RALY: variants seen among roughly 807,000 people sequenced by gnomAD.
The protein encoded by RALY is RNA-binding protein Raly.
In RALY, 15 loss-of-function variants were observed where a neutral mutation model predicts 30.7. That is an observed-to-expected ratio of 0.49 (90% confidence interval 0.33 to 0.75). RALY has a LOEUF of 0.75. Among genes scored for constraint, RALY ranks in the 30% least tolerant of loss-of-function variants. The probability of loss-of-function intolerance (pLI) is 0.02; values close to 1 mark genes in which losing one functional copy is unlikely to be tolerated. For synonymous variants in RALY, 177 were observed against 170.8 expected (o/e 1.04, Z -0.28); for missense variants, 339 against 414.3 (o/e 0.82, Z 1.58).
chr20:34,031,248 A>G lies in RALY; in HGVS notation c.-92-274A>G, dbSNP rs1362487287. On this transcript the variant is annotated intron_variant, in intron 1 of 9. Transcript: ENST00000246194. ...TTTTTTTTTTGTATTTTTAGTAGAGACAGGGTTTCACCATGTTGGCCGGGC... is the reference window on the plus strand; with the variant it reads ...TTTTTTTTTTGTATTTTTAGTAGAGGCAGGGTTTCACCATGTTGGCCGGGC... Among the ~76,000 whole-genome samples, 5 of 140,012 alleles carry G rather than the reference A, an allele frequency of 3.6e-5. No individual in the cohort carries two copies. The East Asian group carries it at 1.0e-3, about 29-fold the overall frequency. 91.9% of individuals were successfully genotyped at this position (140,012 alleles called of 152,430 possible).
chr20:34,028,157 G>A (rs189302483), intron 1 of RALY, among the ~76,000 whole-genome samples: 2 of 152,060 alleles, frequency 1.3e-5, no homozygotes, highest in East Asian at 1.9e-4. Context: ...GTGGTGGCAC[G>A]TGCCTGTAAT....
intron 2 of RALY, among the ~76,000 whole-genome samples, chr20:34,034,126 G>C (rs2032386125): frequency 6.6e-6 from 1 of 152,156 alleles, no homozygotes; most frequent in African/African-American, 2.4e-5. Context: ...TCTTGAAGAA[G>C]GCTATTCCTC....
Position 34,077,274 on chromosome 20 carries a change from G to A in RALY, c.876+29G>A, listed in dbSNP as rs2033919147. The A allele has an allele frequency of 3.7e-6, 6 of 1,612,218 alleles. No individual in the cohort carries two copies. In the South Asian group the frequency reaches 5.5e-5, roughly 15 times the overall value. ...AGGGCCTGGCCAGGGGCACGACTGG[G>A]ACTCGACTGTGCTCCTACTCTCAGG... On this transcript the variant is annotated intron_variant, in intron 8 of 9. Coordinates refer to ENST00000246194, the MANE Select transcript of RALY (RefSeq NM_016732.3).
In RALY at chr20:34,082,831, CAGA is replaced by C. The variant is rs2034051279; in HGVS notation, c.*2929_*2931del. 1 of 152,216 alleles carries C rather than the reference CAGA, an allele frequency of 6.6e-6. No individual in the cohort carries two copies. The highest frequency in any genetic ancestry group is 6.5e-5 in the Admixed American group (1 of 15,280). The allele number at this position is 152,216 out of a possible 1,614,324, so 9.4% of individuals were successfully genotyped here. ...TCATTTTTCTAACATCTGAAAACTC[CAGA>C]AGGAGATGGTGATAAATGTGGTACC... is the stretch of plus-strand genomic sequence containing the variant. On this transcript the variant is annotated 3_prime_UTR_variant, in exon 10 of 10. Transcript: ENST00000246194.
At chr20:34,039,535 C>G (rs1008824584) in intron 2 of RALY, among the ~76,000 whole-genome samples, 2 of 152,188 alleles carry the variant, frequency 1.3e-5, no homozygotes, top group Non-Finnish European at 2.9e-5. Context: ...TGTGTTTGTA[C>G]TCTAGCTTTT....
intron 2 of RALY, among the ~76,000 whole-genome samples, chr20:34,035,181 A>C (rs969440963): frequency 2.1e-5 from 3 of 143,896 alleles, no homozygotes; most frequent in Admixed American, 6.9e-5. Flanking sequence ...AAAAAAAAAA[A>C]AAAAAACAGT....
At chr20:34,007,529 C>A (rs2031212174) in intron 1 of RALY, among the ~76,000 whole-genome samples, 1 of 150,098 alleles carries the variant, frequency 6.7e-6, no homozygotes, top group African/African-American at 2.5e-5. Context: ...TCAAAAAAAA[C>A]AAAACAAAAG....
rs1324528825 is a variant in RALY, at chr20:34,081,395, C to T, written c.*1490C>T. The T allele has an allele frequency of 1.3e-5, 2 of 152,282 alleles. No homozygotes were observed. Among genetic ancestry groups the T allele is most frequent in the Non-Finnish European group, 2.9e-5 (2 of 68,098 alleles). 9.4% of individuals were successfully genotyped at this position (152,282 alleles called of 1,614,324 possible). On this transcript the variant is annotated 3_prime_UTR_variant, in exon 10 of 10. Coordinates refer to ENST00000246194, the MANE Select transcript of RALY (RefSeq NM_016732.3). ...TGTGGTGTCGCCACCTCTGAGAAGT[C>T]TCCCAGACCCTCCGACTGCTCTTTA... is the stretch of plus-strand genomic sequence containing the variant.
At chr20:34,059,650 TA>T (rs2123208799) in intron 2 of RALY, among the ~76,000 whole-genome samples, 1 of 152,310 alleles carries the variant, frequency 6.6e-6, no homozygotes, top group Admixed American at 6.5e-5. Flanking sequence ...CCAAAGCTAA[TA>T]AGCCCCCATT....
chr20:34,072,959 T>TGA (rs1555809418), intron 3 of RALY, among the ~76,000 whole-genome samples: 10,335 of 148,876 alleles, frequency 0.069, 1,206 homozygotes, highest in African/African-American at 0.24. Flanking sequence ...TGTGTGTGTG[T>TGA]GAGAGAGAGA....
intron 1 of RALY, among the ~76,000 whole-genome samples, chr20:33,999,151 A>G (rs561070533): frequency 6.6e-6 from 1 of 151,720 alleles, no homozygotes; most frequent in East Asian, 1.9e-4. Context: ...AGGAAAGAAA[A>G]AAGGTGGAAT....
chr20:34,038,656 T>G (rs150623236), intron 2 of RALY, among the ~76,000 whole-genome samples: 1 of 152,258 alleles, frequency 6.6e-6, no homozygotes, highest in Non-Finnish European at 1.5e-5. Context: ...GTATAACTGG[T>G]CTTTAGGAAG....
intron 2 of RALY, among the ~76,000 whole-genome samples, chr20:34,034,094 T>A (rs2032385223): frequency 6.6e-6 from 1 of 152,216 alleles, no homozygotes; most frequent in Non-Finnish European, 1.5e-5. Context: ...ACTGAGATGT[T>A]GCCTTGTTCC....
At chr20:34,052,586 G>A (rs1189627828) in intron 2 of RALY, among the ~76,000 whole-genome samples, 1 of 152,178 alleles carries the variant, frequency 6.6e-6, no homozygotes, top group Non-Finnish European at 1.5e-5. Context: ...CTGTTTTGAT[G>A]TGTTTATCCC....
At chr20:34,020,399 A>G (rs963392355) in intron 1 of RALY, among the ~76,000 whole-genome samples, 2 of 152,236 alleles carry the variant, frequency 1.3e-5, no homozygotes, top group Non-Finnish European at 2.9e-5. Flanking sequence ...AGCATGAGGA[A>G]TGGTAGAAGC....
At chr20:34,066,188 T>TTTC (rs57960843) in intron 2 of RALY, among the ~76,000 whole-genome samples, 1 of 145,432 alleles carries the variant, frequency 6.9e-6, no homozygotes, top group African/African-American at 2.6e-5. Context: ...TTTTTTTTTT[T>TTTC]CATTTATAAA....
At chr20:33,999,219 C>T in intron 1 of RALY, among the ~76,000 whole-genome samples, 1 of 151,628 alleles carries the variant, frequency 6.6e-6, no homozygotes, top group East Asian at 1.9e-4. Flanking sequence ...GGGATGACAT[C>T]TGGTTTCTAC....
intron 1 of RALY, among the ~76,000 whole-genome samples, chr20:33,999,521 G>A (rs116420472): frequency 0.012 from 1,768 of 152,248 alleles, 36 homozygotes; most frequent in African/African-American, 0.041. Flanking sequence ...AACTGCTTAC[G>A]TTAAGCCAAG....
intron 2 of RALY, among the ~76,000 whole-genome samples, chr20:34,043,031 C>G (rs1340509881): frequency 6.6e-6 from 1 of 152,242 alleles, no homozygotes; most frequent in Non-Finnish European, 1.5e-5. Context: ...CTAGAGCCAT[C>G]CCAACCCAGG....
Sources: gnomAD v4.1 joint callset for allele counts (sites outside exome capture counted in the v4.1 genomes callset) on GRCh38, gnomAD v4.1.1 for gene constraint, MANE v1.5 for transcripts, NCBI Gene and HGNC (gene_info 2026-07-23, HGNC 2026-07-21) for gene names.